RAB33B: variants seen among roughly 807,000 people sequenced by gnomAD.
RAB33B encodes ras-related protein Rab-33B.
A neutral mutation model predicts 15.0 loss-of-function variants in RAB33B; 6 were observed. The ratio of observed to expected loss-of-function variants is 0.40; its 90% CI spans 0.22 to 0.79. The LOEUF (loss-of-function observed/expected upper bound fraction) is 0.79, where lower values mean the gene tolerates loss of function less well. Among genes scored for constraint, RAB33B ranks in the 30% least tolerant of loss-of-function variants. RAB33B has a pLI of 0.37. For synonymous variants in RAB33B, 117 were observed against 108.3 expected, an observed-to-expected ratio of 1.08 and a Z score of -0.50; for missense variants, 257 against 296.4, an observed-to-expected ratio of 0.87 and a Z score of 0.98.
chr4:139,461,628 A>G (rs1193601421), intron 1 of RAB33B, among the ~76,000 whole-genome samples: 3 of 152,232 alleles, frequency 2.0e-5, no homozygotes, highest in African/African-American at 4.8e-5. Flanking sequence ...AAAAACAGGC[A>G]GTGAAAGAAT....
intron 1 of RAB33B, among the ~76,000 whole-genome samples, chr4:139,464,208 T>A (rs1358493228): frequency 1.3e-5 from 2 of 151,964 alleles, no homozygotes; most frequent in Non-Finnish European, 2.9e-5. Flanking sequence ...GCCTGGTAGG[T>A]GGAGGCTGCA....
upstream of RAB33B, chr4:139,452,630 CTAAG>C (rs1431963597): frequency 2.0e-5 from 3 of 152,194 alleles, no homozygotes; most frequent in East Asian, 1.9e-4. Context: ...TTTCTATAAA[CTAAG>C]TAAACTTTTT....
the RAB33B span, among the ~76,000 whole-genome samples, chr4:139,443,885 G>A: frequency 1.3e-5 from 2 of 152,108 alleles, no homozygotes; most frequent in Non-Finnish European, 2.9e-5. Context: ...GGCCTCCCCT[G>A]AGGCAGCTGC....
Position 139,456,235 on chromosome 4 carries a change from A to G in RAB33B, c.249+1791A>G, listed in dbSNP as rs1440002251. On this transcript the variant is annotated intron_variant, in intron 1 of 1. Coordinates refer to ENST00000305626, the MANE Select transcript of RAB33B (RefSeq NM_031296.3). ...TACACCCAAAGTTGAAAGCAGAGATAGTGGAGGGCATAGGTAGACAGCTAA... is the reference window on the plus strand; with the variant it reads ...TACACCCAAAGTTGAAAGCAGAGATGGTGGAGGGCATAGGTAGACAGCTAA... 6.0e-5 allele frequency among the ~76,000 whole-genome samples: 9 copies of G among 150,718 alleles called. No homozygotes were observed. The East Asian group carries it at 1.8e-3, about 31-fold the overall frequency.
At chr4:139,467,857 C>CAA (rs56069233) in intron 1 of RAB33B, among the ~76,000 whole-genome samples, 10,132 of 134,764 alleles carry the variant, frequency 0.075, 360 homozygotes, top group East Asian at 0.11. Flanking sequence ...TGTCCTGTCT[C>CAA]AAAAAAAAAA....
upstream of RAB33B, chr4:139,453,380 C>T (rs2111065130): frequency 6.6e-6 from 1 of 152,436 alleles, no homozygotes; most frequent in Non-Finnish European, 1.5e-5. Context: ...GAACTCCAGC[C>T]TGCTCTCCGG....
chr4:139,472,634 T>C, intron 1 of RAB33B, 52 bp from the exon 2 acceptor site: 4 of 1,241,966 alleles, frequency 3.2e-6, no homozygotes, highest in Admixed American at 4.4e-5. Flanking sequence ...TTTCTTGATA[T>C]GTATAATTGG....
rs755124749 is a variant in RAB33B at position 139,454,385 on chromosome 4, G to A, written c.190G>A (p.Ala64Thr). The A allele has an allele frequency of 9.3e-6, 15 of 1,611,016 alleles. No homozygotes were observed. Among genetic ancestry groups the A allele is most frequent in the Non-Finnish European group, 1.3e-5 (15 of 1,178,450 alleles). ...TGGCCGCTTCCCCGACCGCACCGAG[G>A]CCACGATAGGGGTGGATTTCCGAGA... is the stretch of plus-strand genomic sequence containing the variant. The part of the protein sequence containing the change: ...CAGRFPDRTE[A>T]TIGVDFRERA... Residue 64 changes from alanine (A) to threonine (T), a missense_variant, in exon 1 of 2, where the codon GCC (alanine) becomes ACC (threonine). Physicochemically the swap from Ala to Thr is moderately conservative, Grantham distance 58. Coordinates refer to ENST00000305626, the MANE Select transcript of RAB33B (RefSeq NM_031296.3).
chr4:139,454,393 AG>A lies in RAB33B; in HGVS notation c.202del (p.Val68TrpfsTer49), dbSNP rs1750022247. 1 of 1,613,332 alleles carries A rather than the reference AG, an allele frequency of 6.2e-7. No homozygotes were observed. Among genetic ancestry groups the A allele is most frequent in the African/African-American group, 1.3e-5 (1 of 74,994 alleles). ...TCCCCGACCGCACCGAGGCCACGATAGGGGTGGATTTCCGAGAACGAGCGGT... is the reference window on the plus strand; with the variant it reads ...TCCCCGACCGCACCGAGGCCACGATAGGGTGGATTTCCGAGAACGAGCGGT... ...RFPDRTEATIGVDFRERAVEI... is the reference protein window; with the variant it reads ...RFPDRTEATIXVDFRERAVEI... On this transcript the variant is annotated frameshift_variant, in exon 1 of 2. Transcript: ENST00000305626. LOFTEE classifies it low-confidence loss of function (END_TRUNC).
At chr4:139,467,308 C>CGG (rs1750307627) in intron 1 of RAB33B, among the ~76,000 whole-genome samples, 4 of 17,618 alleles carry the variant, frequency 2.3e-4, no homozygotes, top group Non-Finnish European at 3.0e-4. Context: ...CCCCCCGCCG[C>CGG]TTTTTTTTTT....
At chr4:139,454,709 G>A (rs1297102459) in intron 1 of RAB33B, among the ~76,000 whole-genome samples, 2 of 152,200 alleles carry the variant, frequency 1.3e-5, no homozygotes, top group African/African-American at 2.4e-5. Flanking sequence ...TGATGCAGGT[G>A]CAGCTAGTCC....
At chr4:139,444,948 T>G in the RAB33B span, among the ~76,000 whole-genome samples, 1 of 152,212 alleles carries the variant, frequency 6.6e-6, no homozygotes, top group East Asian at 1.9e-4. Context: ...TTGCGGAAAT[T>G]AGTGCCACCA....
At chr4:139,469,256 T>C (rs951908552) in intron 1 of RAB33B, among the ~76,000 whole-genome samples, 18 of 152,176 alleles carry the variant, frequency 1.2e-4, no homozygotes, top group Admixed American at 3.3e-4. Flanking sequence ...TTTTTTATTC[T>C]TTTTTCTTTT....
rs70943422 is a variant in RAB33B, at chr4:139,467,308, C to CTTTT, written c.250-5352_250-5349dup. 1.2e-3 allele frequency among the ~76,000 whole-genome samples: 22 copies of CTTTT among 17,620 alleles called. 1 individual carries two copies. Among genetic ancestry groups the CTTTT allele is most frequent in the Non-Finnish European group, 2.1e-3 (14 of 6,642 alleles). 11.6% of individuals were successfully genotyped at this position (17,620 alleles called of 152,430 possible). On this transcript the variant is annotated intron_variant, in intron 1 of 1. Coordinates refer to ENST00000305626, the MANE Select transcript of RAB33B (RefSeq NM_031296.3). The stretch of plus-strand genomic sequence containing the variant: ...TCTTTCCCCACCACGCCCCCCGCCG[C>CTTTT]TTTTTTTTTTTTTTTTTTTTTTTTT...
chr4:139,467,823 A>G (rs945216430), intron 1 of RAB33B, among the ~76,000 whole-genome samples: 2 of 151,728 alleles, frequency 1.3e-5, no homozygotes, highest in Middle Eastern at 3.4e-3. Flanking sequence ...GTGCTGCTGC[A>G]TTCCAGCCTG....
chr4:139,463,677 C>G (rs1336598583), intron 1 of RAB33B, among the ~76,000 whole-genome samples: 1 of 152,192 alleles, frequency 6.6e-6, no homozygotes, highest in Non-Finnish European at 1.5e-5. Context: ...CAAGAGTTTT[C>G]TAGGCTTTGC....
At chr4:139,460,310 C>A (rs1188875458) in intron 1 of RAB33B, among the ~76,000 whole-genome samples, 1 of 152,112 alleles carries the variant, frequency 6.6e-6, no homozygotes, top group Non-Finnish European at 1.5e-5. Context: ...GATTGGCACA[C>A]AGGAGAAATA....
chr4:139,462,699 T>G (rs1465389431), intron 1 of RAB33B, among the ~76,000 whole-genome samples: 1 of 152,192 alleles, frequency 6.6e-6, no homozygotes, highest in Non-Finnish European at 1.5e-5. Context: ...TGGCAAATCT[T>G]TGAAATAAAT....
At chr4:139,470,290 C>A (rs1288184179) in intron 1 of RAB33B, among the ~76,000 whole-genome samples, 3 of 152,192 alleles carry the variant, frequency 2.0e-5, no homozygotes, top group Admixed American at 1.3e-4. Flanking sequence ...ACTCTTCCCT[C>A]CCATTTCCAA....
Sources: gnomAD v4.1 joint callset for allele counts (sites outside exome capture counted in the v4.1 genomes callset) on GRCh38, gnomAD v4.1.1 for gene constraint, MANE v1.5 for transcripts, NCBI Gene and HGNC (gene_info 2026-07-23, HGNC 2026-07-21) for gene names.